Variants in DYRK4 observed in about 807,000 individuals in gnomAD.
DYRK4 encodes the protein dual specificity tyrosine-phosphorylation-regulated kinase 4.
DYRK4 carries 64 observed loss-of-function variants against 68.3 expected under a neutral mutation model. The ratio of observed to expected loss-of-function variants is 0.94; its 90% CI spans 0.77 to 1.15. The LOEUF (loss-of-function observed/expected upper bound fraction) is 1.15, where lower values mean the gene tolerates loss of function less well. DYRK4 is among the 50% of genes most tolerant of loss of function. The pLI is 0.00. For synonymous variants in DYRK4, 274 were observed against 289.9 expected, an observed-to-expected ratio of 0.95 and a Z score of 0.56; for missense variants, 740 against 764.7, an observed-to-expected ratio of 0.97 and a Z score of 0.38.
intron 10 of DYRK4, chr12:4,603,103 C>T: frequency 7.2e-7 from 1 of 1,382,824 alleles, no homozygotes; most frequent in Non-Finnish European, 1.0e-6. Context: ...CTAGTTTGGA[C>T]TCCTGGAAAG....
At chr12:4,597,141 G>T in intron 8 of DYRK4, 2 of 1,046,372 alleles carry the variant, frequency 1.9e-6, no homozygotes, top group South Asian at 3.4e-5. Flanking sequence ...GTGGGAAATG[G>T]GTTTTGATTT....
intron 12 of DYRK4, among the ~76,000 whole-genome samples, chr12:4,608,483 G>A (rs1591808827): frequency 1.3e-5 from 2 of 152,262 alleles, no homozygotes; most frequent in Middle Eastern, 6.8e-3. Flanking sequence ...GGATAAAAGG[G>A]TTTGGGTCAT....
intron 2 of DYRK4, among the ~76,000 whole-genome samples, chr12:4,588,333 T>C (rs1944918027): frequency 6.6e-6 from 1 of 152,210 alleles, no homozygotes; most frequent in South Asian, 2.1e-4. Flanking sequence ...TTACAGTAAA[T>C]CCATACCCAT....
In DYRK4 at chr12:4,612,786, T is replaced by A. The variant is rs753833311; in HGVS notation, c.1666+68T>A. 4 of 1,550,834 alleles carry A rather than the reference T, an allele frequency of 2.6e-6. No homozygotes were observed. The East Asian group carries it at 6.7e-5, about 26-fold the overall frequency. On this transcript the variant is annotated intron_variant, in intron 14 of 14. Transcript: ENST00000543431. ...AATTAATATTCTAGAATTCTGTAAA[T>A]CTCCTTGTGATATTTTTGAAGCCCC...
chr12:4,590,555 G>A (rs1944942371), intron 4 of DYRK4, 115 bp downstream of exon 4: 8 of 1,465,154 alleles, frequency 5.5e-6, no homozygotes, highest in Admixed American at 2.5e-5. Flanking sequence ...TGCTGAAGAG[G>A]TGGGTTCTAG....
At position 4,590,440 on chromosome 12, in the gene DYRK4, G is replaced by A. The variant is rs1253638382; in HGVS notation, c.324G>A (p.Gln108=). 22 of 1,535,532 alleles carry A rather than the reference G, an allele frequency of 1.4e-5. No homozygotes were observed. The highest frequency in any genetic ancestry group is 1.9e-5 in the Non-Finnish European group (22 of 1,146,722). Residue 108 remains glutamine, a splice_region_variant and synonymous_variant, in exon 4 of 15, where the codon CAG becomes CAA. Coordinates refer to ENST00000543431, the MANE Select transcript of DYRK4 (RefSeq NM_001394779.1). ...KVLLKSSLLY[Q]ENQAHNQMPA... is the part of the protein sequence containing the mutation. ...TGCTGAAGTCATCCCTGCTGTATCA[G>A]GTGAGTGCAGACGGACTGGACCCTG...
Position 4,581,918 on chromosome 12 carries a change from T to C in DYRK4, c.133-7019T>C, listed in dbSNP as rs576339054. ...TTTGCATATACATAATGAGATATTT[T>C]GGGGATGGGACCCAATTCTAAACAC... On this transcript the variant is annotated intron_variant, in intron 2 of 14. Coordinates refer to ENST00000543431, the MANE Select transcript of DYRK4 (RefSeq NM_001394779.1). Among the ~76,000 whole-genome samples the C allele has an allele frequency of 2.6e-5, 4 of 152,378 alleles. No homozygotes were observed. The East Asian group carries it at 7.7e-4, about 29-fold the overall frequency.
At chr12:4,587,161 C>T (rs186557576) in intron 2 of DYRK4, among the ~76,000 whole-genome samples, 4 of 152,306 alleles carry the variant, frequency 2.6e-5, no homozygotes, top group South Asian at 2.1e-4. Flanking sequence ...AAAGACCAAG[C>T]GTCTTAGTCT....
intron 11 of DYRK4, among the ~76,000 whole-genome samples, chr12:4,606,810 G>C (rs570974094): frequency 3.9e-5 from 6 of 152,290 alleles, no homozygotes; most frequent in African/African-American, 1.4e-4. Context: ...GCAAGGGCAG[G>C]TGACCCACAC....
chr12:4,580,799 T>A (rs1250493490), intron 2 of DYRK4: 1 of 391,110 alleles, frequency 2.6e-6, no homozygotes, highest in African/African-American at 2.1e-5. Context: ...ACTTAGGGAT[T>A]TTTTTTTTTT....
intron 9 of DYRK4, 25 bp downstream of exon 9, chr12:4,599,191 T>A: frequency 6.2e-7 from 1 of 1,610,760 alleles, no homozygotes; most frequent in East Asian, 2.2e-5. Flanking sequence ...CGTCCTGCCA[T>A]GGACACACTC....
Position 4,562,245 on chromosome 12 carries a change from C to G in DYRK4, c.-1C>G. On this transcript the variant is annotated 5_prime_UTR_variant, in exon 1 of 15. Transcript: ENST00000543431. ...AGCGGCGGGCGGTCAGCGCCGGCCTCATGCAGCTCCTCCCGCCGCCTATCC... is the reference window on the plus strand; with the variant it reads ...AGCGGCGGGCGGTCAGCGCCGGCCTGATGCAGCTCCTCCCGCCGCCTATCC... 1 of 1,531,518 alleles carries G rather than the reference C, an allele frequency of 6.5e-7. No homozygotes were observed. Among genetic ancestry groups the G allele is most frequent in the Non-Finnish European group, 8.7e-7 (1 of 1,144,850 alleles). 94.9% of individuals were successfully genotyped at this position (1,531,518 alleles called of 1,614,324 possible). A position where few individuals can be genotyped will look rare whatever the true frequency, so the allele number is the denominator to read the frequency against.
rs1454836819 is a variant in DYRK4, at chr12:4,575,404, G to T, written c.132+7356G>T. On this transcript the variant is annotated intron_variant, in intron 2 of 14. Coordinates refer to ENST00000543431, the MANE Select transcript of DYRK4 (RefSeq NM_001394779.1). ...GCTCACTGCAACCTCTGCCTCTCGG[G>T]ATCAAGCAATTTTCCTGCCTCAGCC... Among the ~76,000 whole-genome samples, 4 of 152,022 alleles carry T rather than the reference G, an allele frequency of 2.6e-5. No individual in the cohort carries two copies. The East Asian group carries it at 7.7e-4, about 29-fold the overall frequency.
chr12:4,612,361 A>T (rs1392610494), intron 13 of DYRK4, among the ~76,000 whole-genome samples, 182 bp from the exon 14 acceptor site: 2 of 152,228 alleles, frequency 1.3e-5, no homozygotes, highest in Non-Finnish European at 2.9e-5. Context: ...TTCTAAAAAG[A>T]TTATTTCCAT....
intron 8 of DYRK4, chr12:4,597,070 G>A: frequency 8.8e-7 from 1 of 1,132,320 alleles, no homozygotes. Flanking sequence ...CCACTCATTG[G>A]CTTTCTGGCC....
chr12:4,599,899 A>G (rs1343589770), intron 10 of DYRK4, 111 bp downstream of exon 10: 1 of 853,150 alleles, frequency 1.2e-6, no homozygotes, highest in African/African-American at 1.7e-5. Flanking sequence ...CACTACCAGT[A>G]TGATTTTGAA....
At position 4,599,033 on chromosome 12, in the gene DYRK4, A is replaced by G. The variant is rs3741927; in HGVS notation, c.911A>G (p.Asn304Ser). 0.014 allele frequency: 22,135 copies of G among 1,614,012 alleles called. 1,005 individuals are homozygous for G. Among genetic ancestry groups the G allele is most frequent in the South Asian group, 0.12 (10,639 of 91,042 alleles). The change falls in exon 9 of 15, where the codon AAC (asparagine) becomes AGC (serine). Residue 304 changes from asparagine (N) to serine (S), a missense_variant. This residue lies in a region of DYRK4 where 614 missense variants were observed against 603.7 expected (regional missense o/e 1.02). Coordinates refer to ENST00000543431, the MANE Select transcript of DYRK4 (RefSeq NM_001394779.1). ...FCITFELLGI[N>S]LYELMKNNNF... is the part of the protein sequence containing the mutation. Reference sequence around the variant, plus strand: ...ACTTTTCCCCTCTTTTCCAGAATCAACTTGTATGAGTTGATGAAGAATAAC... The same window carrying G: ...ACTTTTCCCCTCTTTTCCAGAATCAGCTTGTATGAGTTGATGAAGAATAAC...
chr12:4,569,756 C>T (rs576223288), intron 2 of DYRK4, among the ~76,000 whole-genome samples: 4 of 152,194 alleles, frequency 2.6e-5, no homozygotes, highest in Non-Finnish European at 5.9e-5. Context: ...CCACCACACC[C>T]GACCAAATCC....
intron 9 of DYRK4, among the ~76,000 whole-genome samples, chr12:4,599,466 A>G (rs1565540252): frequency 1.3e-5 from 2 of 152,104 alleles, no homozygotes; most frequent in Non-Finnish European, 2.9e-5. Context: ...GGGGAAAGTG[A>G]CAAATATATG....
Sources: allele counts gnomAD v4.1 joint callset (sites outside exome capture counted in the v4.1 genomes callset), GRCh38; gene constraint gnomAD v4.1.1; regional missense constraint gnomAD v4.1.1; transcripts MANE v1.5; gene names NCBI Gene and HGNC (gene_info 2026-07-23, HGNC 2026-07-21).